The following RHOQ variants were observed in gnomAD, a reference collection of about 807,000 sequenced individuals.
RHOQ encodes the protein ras homolog family member Q.
A neutral mutation model predicts 25.8 loss-of-function variants in RHOQ; 7 were observed. The ratio of observed to expected loss-of-function variants is 0.27; its 90% CI spans 0.15 to 0.51. RHOQ has a LOEUF of 0.51. Ranked by LOEUF, RHOQ falls within the 20% of genes least tolerant of loss-of-function variation. RHOQ has a pLI of 0.97. For synonymous variants in RHOQ, 97 were observed against 98.6 expected, an observed-to-expected ratio of 0.98 and a Z score of 0.10; for missense variants, 165 against 260.6, an observed-to-expected ratio of 0.63 and a Z score of 2.53.
rs1377895626 is a variant in RHOQ, at chr2:46,569,876, T to G, written c.202-6211T>G. 6.6e-6 allele frequency among the ~76,000 whole-genome samples: 1 copy of G among 152,150 alleles called. No individual in the cohort carries two copies. The highest frequency in any genetic ancestry group is 1.5e-5 in the Non-Finnish European group (1 of 68,032). ...AAGTTTTTGAAAAACAGTGACCTCT[T>G]AAGAATTTATAGCACCTAAAAAAAC... is the stretch of plus-strand genomic sequence containing the variant. On this transcript the variant is annotated intron_variant, in intron 2 of 4. Transcript: ENST00000238738. The surrounding 1 kb of genome is among the most constrained non-coding windows in gnomAD (Gnocchi z 4.1).
At chr2:46,577,423 G>A (rs1359272122) in intron 4 of RHOQ, among the ~76,000 whole-genome samples, 2 of 131,558 alleles carry the variant, frequency 1.5e-5, no homozygotes, top group African/African-American at 3.0e-5. Context: ...TTTTTGAGAC[G>A]GAGTCCCACT....
At chr2:46,545,405 A>G (rs566351832) in intron 2 of RHOQ, among the ~76,000 whole-genome samples, 1 of 151,758 alleles carries the variant, frequency 6.6e-6, no homozygotes, top group Non-Finnish European at 1.5e-5. Context: ...TTTTGACCGC[A>G]CTCCCTGTTC....
chr2:46,547,035 C>T (rs951888780), intron 2 of RHOQ, among the ~76,000 whole-genome samples: 1 of 152,114 alleles, frequency 6.6e-6, no homozygotes, highest in South Asian at 2.1e-4. Context: ...AAGCAGAGCC[C>T]GTATCCCCAT....
chr2:46,578,569 CAAAAAAAAAAAAAAAAA>C lies in RHOQ; in HGVS notation c.462+1934_462+1950del, dbSNP rs755333304. Among the ~76,000 whole-genome samples, 172 of 24,076 alleles carry C rather than the reference CAAAAAAAAAAAAAAAAA, an allele frequency of 7.1e-3. 3 individuals are homozygous for C. Among genetic ancestry groups the C allele is most frequent in the Middle Eastern group, 0.053 (2 of 38 alleles). 15.8% of individuals were successfully genotyped at this position (24,076 alleles called of 152,430 possible). On this transcript the variant is annotated intron_variant, in intron 4 of 4. Transcript: ENST00000238738. Reference sequence around the variant, plus strand: ...CAACATGGTGAAACCCCATCTCTACCAAAAAAAAAAAAAAAAAAAAAAAAAAAAAAAAAAAAATTAGC... The same window carrying C: ...CAACATGGTGAAACCCCATCTCTACCAAAAAAAAAAAAAAAAAAAATTAGC...
Position 46,543,091 on chromosome 2 carries a change from C to T in RHOQ, c.45C>T (p.Val15=), listed in dbSNP as rs1385576867. The T allele has an allele frequency of 1.2e-6, 2 of 1,609,124 alleles. No homozygotes were observed. The highest frequency in any genetic ancestry group is 1.3e-5 in the African/African-American group (1 of 74,408). The part of the protein sequence containing the change: ...PGALMLKCVV[V]GDGAVGKTCL... ...CGCTGATGCTCAAGTGCGTGGTGGT[C>T]GGCGACGGGGCGGTGGGCAAGACGT... The change falls in exon 1 of 5, where the codon GTC becomes GTT. Residue 15 remains valine (V), a synonymous_variant. Transcript: ENST00000238738.
intron 2 of RHOQ, among the ~76,000 whole-genome samples, chr2:46,545,289 G>T (rs936502668): frequency 6.6e-5 from 10 of 152,174 alleles, no homozygotes; most frequent in Admixed American, 2.6e-4. Flanking sequence ...TAAACAAGAG[G>T]TTGACCTTAT....
At chr2:46,575,174 G>A (rs191532546) in intron 2 of RHOQ, among the ~76,000 whole-genome samples, 10 of 152,228 alleles carry the variant, frequency 6.6e-5, no homozygotes, top group South Asian at 2.1e-4. Context: ...GTAGTCTAAC[G>A]TATTCTGATT....
intron 2 of RHOQ, among the ~76,000 whole-genome samples, chr2:46,561,502 C>T (rs1044770508): frequency 1.3e-5 from 2 of 152,180 alleles, no homozygotes; most frequent in African/African-American, 4.8e-5. Context: ...AGTTTGATGA[C>T]TGCATGGCCA....
intron 2 of RHOQ, among the ~76,000 whole-genome samples, chr2:46,564,332 A>G (rs976687136): frequency 6.6e-6 from 1 of 152,186 alleles, no homozygotes; most frequent in Non-Finnish European, 1.5e-5. Flanking sequence ...ATTAAAAAAT[A>G]AAGTATACAA....
In RHOQ at chr2:46,555,693, T is replaced by C. The variant is rs1346868165; in HGVS notation, c.201+11881T>C. Among the ~76,000 whole-genome samples, 1 of 152,232 alleles carries C rather than the reference T, an allele frequency of 6.6e-6. No homozygotes were observed. The highest frequency in any genetic ancestry group is 2.4e-5 in the African/African-American group (1 of 41,456). On this transcript the variant is annotated intron_variant, in intron 2 of 4. Transcript: ENST00000238738. The surrounding 1 kb of genome is among the most constrained non-coding windows in gnomAD (Gnocchi z 4.3). ...AATACTGGCTATGCGCATGTACTGT[T>C]CTCCAGCAAGTCTAGACCTGTAGGA...
intron 2 of RHOQ, among the ~76,000 whole-genome samples, chr2:46,549,670 G>C (rs1668179452): frequency 6.6e-6 from 1 of 152,230 alleles, no homozygotes; most frequent in African/African-American, 2.4e-5. Flanking sequence ...ACTTGGGTCA[G>C]AGAGCAGCTT....
chr2:46,578,392 G>A (rs1669209942), intron 4 of RHOQ, among the ~76,000 whole-genome samples: 1 of 151,380 alleles, frequency 6.6e-6, no homozygotes. Context: ...AGTGTTAGGA[G>A]GAATACATTT....
intron 2 of RHOQ, among the ~76,000 whole-genome samples, chr2:46,558,952 G>GGTTTT (rs1220719759): frequency 2.0e-5 from 3 of 151,786 alleles, no homozygotes; most frequent in Non-Finnish European, 4.4e-5. Flanking sequence ...AAGCGGTTTA[G>GGTTTT]GTTTTGTTTT....
chr2:46,571,495 C>T (rs1668913391), intron 2 of RHOQ, among the ~76,000 whole-genome samples: 1 of 152,208 alleles, frequency 6.6e-6, no homozygotes, highest in Admixed American at 6.5e-5. Flanking sequence ...AGGTGTTTTA[C>T]AAATAGATGT....
chr2:46,576,845 G>T lies in RHOQ; in HGVS notation c.462+189G>T. The T allele has an allele frequency of 2.3e-6, 1 of 428,442 alleles. No homozygotes were observed. The allele number at this position is 428,442 out of a possible 1,614,324, so 26.5% of individuals were successfully genotyped here. ...TTACACAGAAGAGACAGTGGAGGCT[G>T]GGAGATGTCAGATAATTCGCCCAAG... On this transcript the variant is annotated intron_variant, in intron 4 of 4. Coordinates refer to ENST00000238738, the MANE Select transcript of RHOQ (RefSeq NM_012249.4). The surrounding 1 kb of genome is among the most constrained non-coding windows in gnomAD (Gnocchi z 5.1).
chr2:46,564,482 G>A (rs1668667705), intron 2 of RHOQ, among the ~76,000 whole-genome samples: 2 of 152,216 alleles, frequency 1.3e-5, no homozygotes, highest in African/African-American at 4.8e-5. Context: ...AGGGCATCCT[G>A]ATTTCGCCTG....
At chr2:46,546,852 G>T (rs1668086391) in intron 2 of RHOQ, among the ~76,000 whole-genome samples, 1 of 152,020 alleles carries the variant, frequency 6.6e-6, no homozygotes, top group African/African-American at 2.4e-5. Flanking sequence ...AGTATATTGT[G>T]CCTGGAGTTG....
chr2:46,577,038 A>G (rs1157581835), intron 4 of RHOQ: 1 of 163,206 alleles, frequency 6.1e-6, no homozygotes, highest in East Asian at 1.8e-4. Flanking sequence ...TTCATTACTT[A>G]AACAGTTGCA....
At chr2:46,549,977 A>G (rs1277297501) in intron 2 of RHOQ, among the ~76,000 whole-genome samples, 2 of 152,172 alleles carry the variant, frequency 1.3e-5, no homozygotes, top group Non-Finnish European at 2.9e-5. Context: ...CTGTAATCTC[A>G]GTACTTTGGG....
Sources: allele counts gnomAD v4.1 joint callset (sites outside exome capture counted in the v4.1 genomes callset), GRCh38; gene constraint gnomAD v4.1.1; non-coding constraint Gnocchi (gnomAD v3.1); transcripts MANE v1.5; gene names NCBI Gene and HGNC (gene_info 2026-07-23, HGNC 2026-07-21).